The following PTPRT variants were observed in gnomAD, a reference collection of about 807,000 sequenced individuals.
PTPRT encodes receptor-type tyrosine-protein phosphatase T.
Under a neutral mutation model 176.8 loss-of-function variants are expected in PTPRT, and 56 were observed. That is an observed-to-expected ratio of 0.32 (90% confidence interval 0.26 to 0.40). The LOEUF (loss-of-function observed/expected upper bound fraction) is 0.40, where lower values mean the gene tolerates loss of function less well. PTPRT is among the 10% of genes least tolerant of loss of function. The probability of loss-of-function intolerance (pLI) is 1.00; values close to 1 mark genes in which losing one functional copy is unlikely to be tolerated. For missense variants in PTPRT, 1,540 were observed against 1,908.2 expected, an observed-to-expected ratio of 0.81 and a Z score of 3.60; for synonymous variants, 783 against 739.0, an observed-to-expected ratio of 1.06 and a Z score of -0.96.
chr20:42,619,253 A>T (rs1792572253), intron 7 of PTPRT, among the ~76,000 whole-genome samples: 1 of 141,382 alleles, frequency 7.1e-6, no homozygotes, highest in Admixed American at 6.9e-5. Context: ...TTCTTTAAGA[A>T]TGTTGAATAT....
At position 42,893,755 on chromosome 20, in the gene PTPRT, G is replaced by A. The variant is rs867065392; in HGVS notation, c.89-7823C>T. On this transcript the variant is annotated intron_variant, in intron 1 of 30. Coordinates refer to ENST00000373187, the MANE Select transcript of PTPRT (RefSeq NM_007050.6). ...AAATCATCATTCTCAGTAAACTATC[G>A]CAAGGACAAAAAACCAAACACCACA... Among the ~76,000 whole-genome samples, 636 of 150,904 alleles carry A rather than the reference G, an allele frequency of 4.2e-3. 6 individuals carry two copies. Among genetic ancestry groups the A allele is most frequent in the African/African-American group, 0.015 (597 of 40,984 alleles).
chr20:42,579,068 C>T (rs1337081663), intron 7 of PTPRT, among the ~76,000 whole-genome samples: 1 of 120,208 alleles, frequency 8.3e-6, no homozygotes, highest in African/African-American at 3.2e-5. Flanking sequence ...CTCCCCCCAC[C>T]CCACAACAGG....
intron 6 of PTPRT, among the ~76,000 whole-genome samples, chr20:42,742,828 G>A (rs538410430): frequency 5.3e-5 from 8 of 152,278 alleles, no homozygotes; most frequent in African/African-American, 1.9e-4. Context: ...TTCTACAGAT[G>A]GAGAAACTGA....
intron 16 of PTPRT, among the ~76,000 whole-genome samples, chr20:42,191,189 A>T (rs1568657959): frequency 6.7e-6 from 1 of 150,160 alleles, no homozygotes; most frequent in East Asian, 1.9e-4. Flanking sequence ...AAAAAAAAAA[A>T]TAGCCCTGTA....
At chr20:42,894,043 A>C (rs1483920450) in intron 1 of PTPRT, among the ~76,000 whole-genome samples, 4 of 151,948 alleles carry the variant, frequency 2.6e-5, no homozygotes, top group African/African-American at 9.7e-5. Context: ...AAAAAATTAA[A>C]AAAAAAAGAA....
rs555455536 is a variant in PTPRT at position 42,509,761 on chromosome 20, G to T, written c.1154-37199C>A. On this transcript the variant is annotated intron_variant, in intron 7 of 30. Transcript: ENST00000373187. ...ATCTCTCTGTAAAATTAGGCTACAG[G>T]TTGTACCTGCTGTTTCAGACTGATG... Among the ~76,000 whole-genome samples, 40 of 152,024 alleles carry T rather than the reference G, an allele frequency of 2.6e-4. 1 individual carries two copies. In the South Asian group the frequency reaches 7.9e-3, roughly 30 times the overall value.
chr20:42,790,634 TATC>T lies in PTPRT; in HGVS notation c.486+558_486+560del, dbSNP rs1198786904. On this transcript the variant is annotated intron_variant, in intron 3 of 30. Coordinates refer to ENST00000373187, the MANE Select transcript of PTPRT (RefSeq NM_007050.6). ...AGACTTTCCAAACTCTGCCATAGTCTATCATCCACCCCTGCAGCTCACTGTACA... is the reference window on the plus strand; with the variant it reads ...AGACTTTCCAAACTCTGCCATAGTCTATCCACCCCTGCAGCTCACTGTACA... Among the ~76,000 whole-genome samples, 11 of 152,324 alleles carry T rather than the reference TATC, an allele frequency of 7.2e-5. No homozygotes were observed. The East Asian group carries it at 1.7e-3, about 24-fold the overall frequency.
rs764740415 is a variant in PTPRT at position 42,141,976 on chromosome 20, C to T, written c.2709G>A (p.Ser903=). 2.2e-5 allele frequency: 35 copies of T among 1,613,986 alleles called. No individual in the cohort carries two copies. The highest frequency in any genetic ancestry group is 3.3e-5 in the South Asian group (3 of 91,086). ...TTTCATCCTCCTTGGCTGTGTCCCACGAAGCTGTCTGCCCCTCTGGTAAGG... is the reference window on the plus strand; with the variant it reads ...TTTCATCCTCCTTGGCTGTGTCCCATGAAGCTGTCTGCCCCTCTGGTAAGG... ...YEALPEGQTA[S]WDTAKEDENR... is the part of the protein sequence containing the mutation. Residue 903 remains serine, a synonymous_variant, in exon 18 of 31, where the codon TCG becomes TCA. Coordinates refer to ENST00000373187, the MANE Select transcript of PTPRT (RefSeq NM_007050.6).
chr20:43,102,293 C>A (rs2012423468), intron 1 of PTPRT, among the ~76,000 whole-genome samples: 1 of 150,620 alleles, frequency 6.6e-6, no homozygotes, highest in Non-Finnish European at 1.5e-5. Flanking sequence ...ATCACACACA[C>A]ACACACACAC....
chr20:42,156,114 C>T (rs1232433327), intron 17 of PTPRT, among the ~76,000 whole-genome samples: 1 of 152,170 alleles, frequency 6.6e-6, no homozygotes, highest in East Asian at 1.9e-4. Flanking sequence ...GAACGCCCTT[C>T]CCTTCTTTAA....
chr20:43,035,345 C>G (rs1364929969), intron 1 of PTPRT, among the ~76,000 whole-genome samples: 1 of 152,176 alleles, frequency 6.6e-6, no homozygotes, highest in East Asian at 1.9e-4. Context: ...TATCAGAGGT[C>G]AGCAAAAGGC....
intron 1 of PTPRT, among the ~76,000 whole-genome samples, chr20:42,891,815 T>C (rs1191880806): frequency 6.6e-6 from 1 of 152,198 alleles, no homozygotes; most frequent in Non-Finnish European, 1.5e-5. Flanking sequence ...TGTATATCTG[T>C]ATATATATTA....
downstream of PTPRT, among the ~76,000 whole-genome samples, chr20:42,070,648 C>A (rs1199384079): frequency 6.6e-6 from 1 of 152,040 alleles, no homozygotes; most frequent in Admixed American, 6.6e-5. Context: ...AGAAGCAGGT[C>A]TCAGAGTATA....
intron 6 of PTPRT, among the ~76,000 whole-genome samples, chr20:42,694,040 CTTTTTTT>C (rs56156122): frequency 6.9e-4 from 96 of 138,450 alleles, no homozygotes; most frequent in African/African-American, 2.0e-3. Context: ...ATTTTATTTT[CTTTTTTT>C]TTTTTTTTTG....
intron 7 of PTPRT, among the ~76,000 whole-genome samples, chr20:42,560,263 A>T (rs1012886390): frequency 6.6e-6 from 1 of 152,176 alleles, no homozygotes; most frequent in Non-Finnish European, 1.5e-5. Flanking sequence ...AGGTACAGGC[A>T]TGGGATTGGA....
chr20:42,586,034 T>G (rs1262733031), intron 7 of PTPRT, among the ~76,000 whole-genome samples: 17 of 152,316 alleles, frequency 1.1e-4, no homozygotes, highest in Admixed American at 1.1e-3. Context: ...CCTTTTTAGT[T>G]GTTTAGTAAT....
chr20:42,440,995 G>A (rs186166044), intron 9 of PTPRT, among the ~76,000 whole-genome samples: 26 of 152,242 alleles, frequency 1.7e-4, no homozygotes, highest in Middle Eastern at 3.4e-3. Flanking sequence ...CTCGAAGTCC[G>A]CCCATGTAAA....
At chr20:43,152,025 T>G (rs2146422686) in intron 1 of PTPRT, among the ~76,000 whole-genome samples, 1 of 152,326 alleles carries the variant, frequency 6.6e-6, no homozygotes, top group East Asian at 1.9e-4. Context: ...TTGGAGCTTC[T>G]TTTTACTGCA....
intron 2 of PTPRT, among the ~76,000 whole-genome samples, chr20:42,862,776 G>T (rs561762127): frequency 8.5e-5 from 13 of 152,266 alleles, no homozygotes; most frequent in African/African-American, 2.9e-4. Context: ...CTACATTACA[G>T]CCCATATCGG....
Sources: allele counts gnomAD v4.1 joint callset (sites outside exome capture counted in the v4.1 genomes callset), GRCh38; gene constraint gnomAD v4.1.1; transcripts MANE v1.5; gene names NCBI Gene and HGNC (gene_info 2026-07-23, HGNC 2026-07-21).